The following PDE1A variants were observed in gnomAD, a reference collection of about 807,000 sequenced individuals.
PDE1A encodes dual specificity calcium/calmodulin-dependent 3',5'-cyclic nucleotide phosphodiesterase 1A.
In PDE1A, 35 loss-of-function variants were observed where a neutral mutation model predicts 61.7. That is an observed-to-expected ratio of 0.57 (90% confidence interval 0.43 to 0.75). PDE1A has a LOEUF of 0.75. Among genes scored for constraint, PDE1A ranks in the 30% least tolerant of loss-of-function variants. The pLI is 0.00. For missense variants in PDE1A, 597 were observed against 630.6 expected, an observed-to-expected ratio of 0.95 and a Z score of 0.57; for synonymous variants, 232 against 213.2, an observed-to-expected ratio of 1.09 and a Z score of -0.77.
chr2:182,611,099 C>T, the PDE1A span, among the ~76,000 whole-genome samples: 1 of 152,112 alleles, frequency 6.6e-6, no homozygotes, highest in African/African-American at 2.4e-5. Context: ...AGAGCTATTG[C>T]CTTACAGGGC....
chr2:182,474,060 C>T (rs1687205595), intron 2 of PDE1A, among the ~76,000 whole-genome samples: 2 of 152,002 alleles, frequency 1.3e-5, no homozygotes, highest in Admixed American at 6.6e-5. Flanking sequence ...TGAGGTATCA[C>T]CACGCTGTCT....
At chr2:182,404,685 A>AAC (rs1290743922) in intron 1 of PDE1A, among the ~76,000 whole-genome samples, 1 of 152,158 alleles carries the variant, frequency 6.6e-6, no homozygotes, top group Non-Finnish European at 1.5e-5. Context: ...CTAAGATACA[A>AAC]ACACACACAT....
chr2:182,321,507 A>G (rs534558185), intron 1 of PDE1A, among the ~76,000 whole-genome samples: 5 of 152,278 alleles, frequency 3.3e-5, no homozygotes, highest in African/African-American at 1.2e-4. Context: ...TCAACAATTA[A>G]TGAAAAGAAC....
chr2:182,168,138 T>G (rs1202464076), exon 14 of PDE1A: 1 of 1,459,374 alleles, frequency 6.9e-7, no homozygotes, highest in African/African-American at 1.4e-5. Context: ...AAAATAGATT[T>G]CCTGTCTCAC....
chr2:182,212,837 G>A (rs1687762083), intron 7 of PDE1A, among the ~76,000 whole-genome samples: 1 of 152,258 alleles, frequency 6.6e-6, no homozygotes, highest in African/African-American at 2.4e-5. Context: ...GGGAGGCCAG[G>A]GGAGGGGCGC....
the PDE1A span, among the ~76,000 whole-genome samples, chr2:182,584,130 C>G: frequency 1.3e-5 from 2 of 151,764 alleles, no homozygotes; most frequent in African/African-American, 4.8e-5. Context: ...GAGAACACAG[C>G]AGTGTTGGAC....
At position 182,450,476 on chromosome 2, in the gene PDE1A, G is replaced by T. The variant is rs534235903; in HGVS notation, c.101+71800C>A. ...CCCAGAGGCCAAAATGTAAGCATTTGCCCATGAAACTGAATTTATTGGCTC... is the reference window on the plus strand; with the variant it reads ...CCCAGAGGCCAAAATGTAAGCATTTTCCCATGAAACTGAATTTATTGGCTC... On this transcript the variant is annotated intron_variant, in intron 2 of 14. Transcript: ENST00000410103. Among the ~76,000 whole-genome samples, 7 of 151,888 alleles carry T rather than the reference G, an allele frequency of 4.6e-5. No homozygotes were observed. In the South Asian group the frequency reaches 1.2e-3, roughly 27 times the overall value.
intron 13 of PDE1A, among the ~76,000 whole-genome samples, chr2:182,156,782 C>T (rs148942357): frequency 2.0e-5 from 3 of 151,986 alleles, no homozygotes; most frequent in African/African-American, 7.2e-5. Flanking sequence ...GTCCTATACC[C>T]GTGGGGATTT....
intron 1 of PDE1A, among the ~76,000 whole-genome samples, chr2:182,410,249 C>T (rs1702535867): frequency 6.6e-6 from 1 of 151,976 alleles, no homozygotes; most frequent in South Asian, 2.1e-4. Context: ...CACCTGCAGT[C>T]CCAGCTACTT....
At chr2:182,475,280 C>G (rs1687282176) in intron 2 of PDE1A, among the ~76,000 whole-genome samples, 1 of 151,878 alleles carries the variant, frequency 6.6e-6, no homozygotes, top group Non-Finnish European at 1.5e-5. Context: ...GGGACAGCAG[C>G]AACAGGTGCA....
At chr2:182,576,156 G>A in the PDE1A span, among the ~76,000 whole-genome samples, 37 of 151,832 alleles carry the variant, frequency 2.4e-4, no homozygotes, top group African/African-American at 5.8e-4. Flanking sequence ...ACCACCATTC[G>A]TCTACAGAAC....
At chr2:182,712,585 C>G in the PDE1A span, among the ~76,000 whole-genome samples, 29 of 151,916 alleles carry the variant, frequency 1.9e-4, no homozygotes, top group Non-Finnish European at 3.1e-4. Context: ...GAGACGGAGT[C>G]TTGCTCTGTT....
chr2:182,358,067 C>T (rs1699297071), intron 1 of PDE1A, among the ~76,000 whole-genome samples: 1 of 152,170 alleles, frequency 6.6e-6, no homozygotes, highest in African/African-American at 2.4e-5. Context: ...TCTCAGCCAC[C>T]TTCCATTTTC....
chr2:182,385,441 A>G (rs561270317), intron 1 of PDE1A, among the ~76,000 whole-genome samples: 3 of 152,296 alleles, frequency 2.0e-5, no homozygotes, highest in East Asian at 1.9e-4. Context: ...GAATAAATGT[A>G]TATTTTGTGG....
At chr2:182,446,423 T>C (rs1685138631) in intron 2 of PDE1A, among the ~76,000 whole-genome samples, 1 of 152,086 alleles carries the variant, frequency 6.6e-6, no homozygotes, top group Non-Finnish European at 1.5e-5. Flanking sequence ...TGGAGATAAA[T>C]TTTACTGCCA....
intron 2 of PDE1A, among the ~76,000 whole-genome samples, chr2:182,516,378 T>C (rs1451356899): frequency 6.6e-6 from 1 of 152,098 alleles, no homozygotes; most frequent in East Asian, 1.9e-4. Context: ...TGGCCAGGCA[T>C]GGTGGCTCAC....
the PDE1A span, among the ~76,000 whole-genome samples, chr2:182,541,025 G>A: frequency 6.6e-6 from 1 of 152,032 alleles, no homozygotes; most frequent in Admixed American, 6.6e-5. Context: ...CTTGGAAGGA[G>A]GGAAAGATCC....
At chr2:182,689,664 G>C in the PDE1A span, among the ~76,000 whole-genome samples, 1 of 152,092 alleles carries the variant, frequency 6.6e-6, no homozygotes, top group African/African-American at 2.4e-5. Context: ...CAGAAGGCAA[G>C]AAATAACTAA....
chr2:182,164,461 T>C (rs572553701), downstream of PDE1A, among the ~76,000 whole-genome samples: 2 of 152,212 alleles, frequency 1.3e-5, no homozygotes, highest in Admixed American at 6.5e-5. Context: ...AATATAAAAA[T>C]ATTTGTGTTC....
Sources: gnomAD v4.1 joint callset for allele counts (sites outside exome capture counted in the v4.1 genomes callset) on GRCh38, gnomAD v4.1.1 for gene constraint, MANE v1.5 for transcripts, NCBI Gene and HGNC (gene_info 2026-07-23, HGNC 2026-07-21) for gene names.